GRM1: variants seen among roughly 807,000 people sequenced by gnomAD.
The protein encoded by GRM1 is glutamate metabotropic receptor 1, also known as metabotropic glutamate receptor 1.
Under a neutral mutation model 90.9 loss-of-function variants are expected in GRM1, and 33 were observed. That is an observed-to-expected ratio of 0.36 (90% CI 0.28 to 0.49). The LOEUF (loss-of-function observed/expected upper bound fraction) is 0.49. Among genes scored for constraint, GRM1 ranks in the 20% least tolerant of loss-of-function variants. GRM1 has a pLI of 0.99. For synonymous variants in GRM1, 700 were observed against 613.2 expected (o/e 1.14, Z -2.09); for missense variants, 1,190 against 1,534.3 (o/e 0.78, Z 3.75).
At chr6:146,104,288 A>G (rs1777149875) in intron 1 of GRM1, among the ~76,000 whole-genome samples, 1 of 152,054 alleles carries the variant, frequency 6.6e-6, no homozygotes, top group African/African-American at 2.4e-5. Flanking sequence ...AAAATACAAA[A>G]AATTAGCCAG....
chr6:146,088,461 T>C (rs1776616036), intron 1 of GRM1, among the ~76,000 whole-genome samples: 3 of 152,108 alleles, frequency 2.0e-5, no homozygotes, highest in South Asian at 4.1e-4. Flanking sequence ...AGCAAAAATT[T>C]GAGTGATTGG....
At chr6:146,296,005 A>G (rs188783120) in intron 2 of GRM1, among the ~76,000 whole-genome samples, 6 of 152,294 alleles carry the variant, frequency 3.9e-5, no homozygotes, top group Admixed American at 3.9e-4. Flanking sequence ...TTAGTTTGCT[A>G]AGGATAATGG....
chr6:146,268,184 T>G (rs1781989146), intron 2 of GRM1, among the ~76,000 whole-genome samples: 1 of 152,222 alleles, frequency 6.6e-6, no homozygotes, highest in Non-Finnish European at 1.5e-5. Context: ...TTTTTGTTTT[T>G]ACTTAGTAAG....
At chr6:146,252,856 T>C (rs945444565) in intron 2 of GRM1, among the ~76,000 whole-genome samples, 1 of 151,964 alleles carries the variant, frequency 6.6e-6, no homozygotes, top group African/African-American at 2.4e-5. Flanking sequence ...GGTTAAGAGA[T>C]CGAGACCATC....
chr6:146,401,640 A>G (rs923139318), intron 7 of GRM1, among the ~76,000 whole-genome samples: 1 of 152,166 alleles, frequency 6.6e-6, no homozygotes, highest in African/African-American at 2.4e-5. Context: ...CCATGTTTCT[A>G]ATTACCTTGC....
intron 6 of GRM1, among the ~76,000 whole-genome samples, chr6:146,392,323 C>A (rs560615747): frequency 1.3e-5 from 2 of 152,196 alleles, no homozygotes; most frequent in South Asian, 2.1e-4. Context: ...GAATAAGAAC[C>A]TAGAGAGCTT....
chr6:146,065,795 T>C lies in GRM1; in HGVS notation c.700+35578T>C, dbSNP rs553427057. 5.3e-5 allele frequency among the ~76,000 whole-genome samples: 8 copies of C among 152,292 alleles called. No individual in the cohort carries two copies. The South Asian group carries it at 1.0e-3, about 20-fold the overall frequency. ...CAGATGTCCACTCCCTATGGGGAAATGTTGAAGGAATCATAAAGGGGAAAA... is the reference window on the plus strand; with the variant it reads ...CAGATGTCCACTCCCTATGGGGAAACGTTGAAGGAATCATAAAGGGGAAAA... On this transcript the variant is annotated intron_variant, in intron 1 of 7. Coordinates refer to ENST00000282753, the MANE Select transcript of GRM1 (RefSeq NM_001278064.2).
At chr6:146,132,901 T>C (rs1776464488) in intron 1 of GRM1, among the ~76,000 whole-genome samples, 1 of 152,236 alleles carries the variant, frequency 6.6e-6, no homozygotes, top group Non-Finnish European at 1.5e-5. Context: ...TCCAAAGGCC[T>C]AGTTCTACCT....
chr6:146,186,191 T>A (rs1429511130), intron 2 of GRM1, among the ~76,000 whole-genome samples: 4 of 151,602 alleles, frequency 2.6e-5, no homozygotes, highest in Admixed American at 2.6e-4. Flanking sequence ...TTGGCCAAGC[T>A]GGTCTCGAAC....
At chr6:146,097,516 G>T (rs1343222512) in intron 1 of GRM1, among the ~76,000 whole-genome samples, 4 of 152,088 alleles carry the variant, frequency 2.6e-5, no homozygotes, top group African/African-American at 9.7e-5. Context: ...CTACATGCTG[G>T]GTCATATTTT....
intron 6 of GRM1, among the ~76,000 whole-genome samples, chr6:146,390,068 T>C (rs537762082): frequency 2.6e-5 from 4 of 152,200 alleles, no homozygotes; most frequent in African/African-American, 9.6e-5. Flanking sequence ...GTTTGATTTA[T>C]GGGTAATTTT....
At chr6:146,035,494 G>A (rs929920936) in intron 1 of GRM1, among the ~76,000 whole-genome samples, 3 of 151,956 alleles carry the variant, frequency 2.0e-5, no homozygotes, top group Non-Finnish European at 4.4e-5. Flanking sequence ...TTCTCTAGCT[G>A]TCTACTTTAT....
At chr6:146,410,273 A>G (rs1261315431) in intron 7 of GRM1, among the ~76,000 whole-genome samples, 2 of 152,174 alleles carry the variant, frequency 1.3e-5, no homozygotes, top group Non-Finnish European at 1.5e-5. Context: ...TAAAAAAAAT[A>G]CAGAGTCGAC....
chr6:146,286,782 C>A (rs1467459578), intron 2 of GRM1, among the ~76,000 whole-genome samples: 1 of 152,078 alleles, frequency 6.6e-6, no homozygotes, highest in Admixed American at 6.6e-5. Context: ...ACAAAAGAAC[C>A]ACGGTGATAA....
intron 1 of GRM1, among the ~76,000 whole-genome samples, chr6:146,102,963 A>G (rs1361323415): frequency 6.6e-6 from 1 of 152,208 alleles, no homozygotes; most frequent in Non-Finnish European, 1.5e-5. Flanking sequence ...GTGAACAACC[A>G]AATATTTGGG....
chr6:146,192,193 G>A (rs992795608), intron 2 of GRM1, among the ~76,000 whole-genome samples: 30 of 152,198 alleles, frequency 2.0e-4, no homozygotes, highest in Non-Finnish European at 2.9e-5. Flanking sequence ...TCCTTTTAAT[G>A]AGAATGGTTA....
rs1238099257 is a variant in GRM1 at position 146,051,312 on chromosome 6, T to A, written c.700+21095T>A. ...CACACATAAGCTAATAAGGTGGTGGTCTGATATTGTGTATCCTACAGTGGT... is the reference window on the plus strand; with the variant it reads ...CACACATAAGCTAATAAGGTGGTGGACTGATATTGTGTATCCTACAGTGGT... On this transcript the variant is annotated intron_variant, in intron 1 of 7. Coordinates refer to ENST00000282753, the MANE Select transcript of GRM1 (RefSeq NM_001278064.2). Among the ~76,000 whole-genome samples the A allele has an allele frequency of 2.6e-5, 4 of 152,078 alleles. No individual in the cohort carries two copies. The East Asian group carries it at 7.8e-4, about 30-fold the overall frequency.
chr6:146,063,193 G>A (rs1775731655), intron 1 of GRM1, among the ~76,000 whole-genome samples: 1 of 152,184 alleles, frequency 6.6e-6, no homozygotes. Flanking sequence ...CCAGTGCAAA[G>A]TACCACCAGA....
At chr6:146,054,520 G>A (rs1484428287) in intron 1 of GRM1, among the ~76,000 whole-genome samples, 3 of 152,078 alleles carry the variant, frequency 2.0e-5, no homozygotes, top group South Asian at 2.1e-4. Flanking sequence ...AAAATTATCT[G>A]TCAGCAGTAA....
Sources: gnomAD v4.1 joint callset for allele counts (sites outside exome capture counted in the v4.1 genomes callset) on GRCh38, gnomAD v4.1.1 for gene constraint, MANE v1.5 for transcripts, NCBI Gene and HGNC (gene_info 2026-07-23, HGNC 2026-07-21) for gene names.